Variants in PARP11 observed in about 807,000 individuals in gnomAD.
PARP11 encodes the protein poly(ADP-ribose) polymerase family member 11, also known as protein mono-ADP-ribosyltransferase PARP11.
In PARP11, 31 loss-of-function variants were observed where a neutral mutation model predicts 42.9. The ratio of observed to expected loss-of-function variants is 0.72; its 90% CI spans 0.54 to 0.98. PARP11 has a LOEUF of 0.98. Among genes scored for constraint, PARP11 ranks in the 50% least tolerant of loss-of-function variants. The pLI, the probability that PARP11 is intolerant of heterozygous loss-of-function variation, is 0.00. For missense variants in PARP11, 365 were observed against 413.1 expected (o/e 0.88, Z 1.01); for synonymous variants, 137 against 127.3 (o/e 1.08, Z -0.51).
intron 1 of PARP11, chr12:3,871,593 T>C (rs1336282687): frequency 1.3e-5 from 2 of 152,150 alleles, no homozygotes; most frequent in African/African-American, 4.8e-5. Context: ...CATATCCCCA[T>C]TGTTAGGAGG....
chr12:3,832,467 C>T (rs1947663383), intron 1 of PARP11, among the ~76,000 whole-genome samples: 1 of 152,200 alleles, frequency 6.6e-6, no homozygotes, highest in South Asian at 2.1e-4. Flanking sequence ...CCACTGTCTC[C>T]TTTTCACACA....
At chr12:3,871,687 C>T (rs1236200519) in intron 1 of PARP11, 1 of 152,216 alleles carries the variant, frequency 6.6e-6, no homozygotes, top group South Asian at 2.1e-4. Flanking sequence ...AAATACCATA[C>T]ATCTGCCACC....
In PARP11 at chr12:3,861,907, C is replaced by T. The variant is rs1290146659; in HGVS notation, c.18+11305G>A. 6.6e-6 allele frequency among the ~76,000 whole-genome samples: 1 copy of T among 152,068 alleles called. No individual in the cohort carries two copies. ...AGGCGTGGTGGAGGGTGCCTATAGT[C>T]CCAGCTACTCGGGAGGCTGAGACAG... On this transcript the variant is annotated intron_variant, in intron 1 of 7. Coordinates refer to ENST00000228820, the MANE Select transcript of PARP11 (RefSeq NM_020367.6). This position sits in a 1 kb window ranked among gnomAD's most constrained non-coding sequence, Gnocchi z 4.6.
At chr12:3,850,074 C>CAA (rs1948069317) in intron 1 of PARP11, among the ~76,000 whole-genome samples, 1 of 151,888 alleles carries the variant, frequency 6.6e-6, no homozygotes, top group Non-Finnish European at 1.5e-5. Flanking sequence ...CAGGTGGGAA[C>CAA]AAAGCTATAT....
intron 1 of PARP11, among the ~76,000 whole-genome samples, chr12:3,839,161 C>CGCCGCCTGCCGCCTGCCGCCT (rs570116276): frequency 6.7e-6 from 1 of 149,286 alleles, no homozygotes; most frequent in Non-Finnish European, 1.5e-5. Context: ...GGGCCGCCGC[C>CGCCGCCTGCCGCCTGCCGCCT]GCCGCCTGCC....
intron 6 of PARP11, among the ~76,000 whole-genome samples, chr12:3,821,494 C>T (rs1943330767): frequency 1.3e-5 from 2 of 152,108 alleles, no homozygotes; most frequent in South Asian, 4.1e-4. Flanking sequence ...ATAAAACAGA[C>T]AAAAGACTAT....
intron 1 of PARP11, among the ~76,000 whole-genome samples, chr12:3,864,879 T>TA (rs1466971585): frequency 6.6e-6 from 1 of 152,176 alleles, no homozygotes; most frequent in Non-Finnish European, 1.5e-5. Flanking sequence ...TCTTCACTGT[T>TA]GTTTTCTGTT....
At chr12:3,856,616 A>C (rs939923243) in intron 1 of PARP11, among the ~76,000 whole-genome samples, 2 of 152,196 alleles carry the variant, frequency 1.3e-5, no homozygotes, top group African/African-American at 4.8e-5. Context: ...AAAAGTCAGG[A>C]AACAACAGGT....
Position 3,840,312 on chromosome 12 carries a change from C to A in PARP11, c.19-10294G>T. On this transcript the variant is annotated intron_variant, in intron 1 of 7. Coordinates refer to ENST00000228820, the MANE Select transcript of PARP11 (RefSeq NM_020367.6). The surrounding 1 kb of genome is among the most constrained non-coding windows in gnomAD (Gnocchi z 4.4). ...AGGCACCTCCCCCAGAAAGCTGGAA[C>A]ACAGTGTCAGGGAAGAAGATGAAAA... The A allele has an allele frequency of 6.2e-7, 1 of 1,614,162 alleles. No individual in the cohort carries two copies. The highest frequency in any genetic ancestry group is 2.2e-5 in the East Asian group (1 of 44,884).
intron 1 of PARP11, 131 bp from the exon 2 acceptor site, chr12:3,830,149 C>G: frequency 1.4e-6 from 1 of 693,120 alleles, no homozygotes. Flanking sequence ...TTAAAAACAG[C>G]TTTCTATCTT....
At position 3,810,900 on chromosome 12, in the gene PARP11, A is replaced by C. The variant is rs1947165439; in HGVS notation, c.*1223T>G. The C allele has an allele frequency of 6.6e-6, 1 of 152,268 alleles. No individual in the cohort carries two copies. Among genetic ancestry groups the C allele is most frequent in the Non-Finnish European group, 1.5e-5 (1 of 68,092 alleles). The allele number at this position is 152,268 out of a possible 1,614,324, so 9.4% of individuals were successfully genotyped here. ...TCAATGTGAGAGACTCTTCACCATC[A>C]CATGGGCAATTCCCCATCTGGTACT... On this transcript the variant is annotated 3_prime_UTR_variant, in exon 8 of 8. Transcript: ENST00000228820.
At chr12:3,856,498 C>G (rs928130158) in intron 1 of PARP11, among the ~76,000 whole-genome samples, 3 of 152,212 alleles carry the variant, frequency 2.0e-5, no homozygotes, top group Non-Finnish European at 4.4e-5. Context: ...GACATTTATG[C>G]AGCCAATAGA....
In PARP11 at chr12:3,850,271, T is replaced by C. The variant is rs1794534223; in HGVS notation, c.19-20253A>G. On this transcript the variant is annotated intron_variant, in intron 1 of 7. Transcript: ENST00000228820. The stretch of plus-strand genomic sequence containing the variant: ...AAAATGTATAGTTGGGTTGGTAACA[T>C]ATATAGACATAATATATATAGCATA... Among the ~76,000 whole-genome samples, 4 of 152,136 alleles carry C rather than the reference T, an allele frequency of 2.6e-5. No individual in the cohort carries two copies. In the South Asian group the frequency reaches 8.3e-4, roughly 31 times the overall value.
chr12:3,862,580 A>G (rs975612399), intron 1 of PARP11, among the ~76,000 whole-genome samples: 7 of 148,908 alleles, frequency 4.7e-5, no homozygotes, highest in Admixed American at 4.7e-4. Flanking sequence ...TATACTATAT[A>G]TTTTATTAGT....
At chr12:3,823,884 C>T (rs1947459519) in intron 4 of PARP11, among the ~76,000 whole-genome samples, 5 of 151,000 alleles carry the variant, frequency 3.3e-5, no homozygotes, top group Admixed American at 2.6e-4. Context: ...CCACTGCACT[C>T]CAGCCTGGGC....
chr12:3,843,552 G>A (rs2138078095), intron 1 of PARP11, among the ~76,000 whole-genome samples: 1 of 152,304 alleles, frequency 6.6e-6, no homozygotes, highest in African/African-American at 2.4e-5. Flanking sequence ...TCGTATAGAA[G>A]ATAATATGAT....
At chr12:3,867,120 G>C (rs897883948) in intron 1 of PARP11, among the ~76,000 whole-genome samples, 2 of 152,086 alleles carry the variant, frequency 1.3e-5, no homozygotes, top group Non-Finnish European at 2.9e-5. Flanking sequence ...AGTTGAAAAA[G>C]GTGCCACACA....
At position 3,822,099 on chromosome 12, in the gene PARP11, G is replaced by A. The variant is rs1232837447; in HGVS notation, c.403C>T (p.Gln135Ter). The stretch of plus-strand genomic sequence containing the variant: ...TCTGCTCTTACCTGATATGGTACTT[G>A]AGTATTCACATTCTCCCAGTGTGGT... ...MPPHWENVNT[Q>*]VPYQLIPLHN... Residue 135 changes from glutamine to a stop codon, truncating the protein, a stop_gained, in exon 5 of 8, where the codon CAA becomes TAA. Transcript: ENST00000228820. LOFTEE classifies it high-confidence loss of function. 1 of 1,613,754 alleles carries A rather than the reference G, an allele frequency of 6.2e-7. No individual in the cohort carries two copies. The highest frequency in any genetic ancestry group is 1.1e-5 in the South Asian group (1 of 91,048).
chr12:3,828,544 C>CA (rs543241542), intron 3 of PARP11, among the ~76,000 whole-genome samples: 3,731 of 75,504 alleles, frequency 0.049, 95 homozygotes, highest in South Asian at 0.13. Context: ...TGAGACGTCT[C>CA]AAAAAAAAAA....
Sources: allele counts gnomAD v4.1 joint callset (sites outside exome capture counted in the v4.1 genomes callset), GRCh38; gene constraint gnomAD v4.1.1; non-coding constraint Gnocchi (gnomAD v3.1); transcripts MANE v1.5; gene names NCBI Gene and HGNC (gene_info 2026-07-23, HGNC 2026-07-21).